The following ZNF407 variants were observed in gnomAD, a reference collection of about 807,000 sequenced individuals.
The protein encoded by ZNF407 is zinc finger protein 407.
In ZNF407, 17 loss-of-function variants were observed where a neutral mutation model predicts 131.2. The ratio of observed to expected loss-of-function variants is 0.13; its 90% confidence interval spans 0.09 to 0.19. The LOEUF (loss-of-function observed/expected upper bound fraction) is 0.19. ZNF407 is among the 10% of genes least tolerant of loss of function. The pLI, the probability that ZNF407 is intolerant of heterozygous loss-of-function variation, is 1.00. For synonymous variants in ZNF407, 1,156 were observed against 1,062.0 expected, an observed-to-expected ratio of 1.09 and a Z score of -1.72; for missense variants, 2,681 against 2,830.6, an observed-to-expected ratio of 0.95 and a Z score of 1.20.
intron 8 of ZNF407, among the ~76,000 whole-genome samples, chr18:75,032,330 T>C (rs1973250835): frequency 6.6e-6 from 1 of 152,226 alleles, no homozygotes; most frequent in African/African-American, 2.4e-5. Flanking sequence ...TCAGGGAATT[T>C]CACCTGCTGG....
intron 8 of ZNF407, among the ~76,000 whole-genome samples, chr18:74,988,752 C>A (rs1254043167): frequency 6.6e-6 from 1 of 152,060 alleles, no homozygotes; most frequent in Non-Finnish European, 1.5e-5. Context: ...CAGGACAATA[C>A]AATTAAAGCC....
At chr18:74,624,302 T>C (rs2144646509) in intron 1 of ZNF407, among the ~76,000 whole-genome samples, 1 of 152,348 alleles carries the variant, frequency 6.6e-6, no homozygotes, top group Non-Finnish European at 1.5e-5. Context: ...TTTTGAATTC[T>C]TCTTTAAAAA....
intron 3 of ZNF407, among the ~76,000 whole-genome samples, chr18:74,659,192 A>C (rs1985608465): frequency 2.6e-5 from 4 of 152,078 alleles, no homozygotes; most frequent in African/African-American, 9.7e-5. Flanking sequence ...TTATTTTTCA[A>C]AGATTGGATT....
intron 8 of ZNF407, among the ~76,000 whole-genome samples, chr18:74,970,010 C>G (rs529200693): frequency 1.5e-4 from 23 of 152,022 alleles, no homozygotes; most frequent in African/African-American, 5.1e-4. Context: ...ATAAAACTGG[C>G]GGGGGTGAAA....
At chr18:74,862,526 C>T (rs1970951785) in intron 4 of ZNF407, among the ~76,000 whole-genome samples, 1 of 152,138 alleles carries the variant, frequency 6.6e-6, no homozygotes, top group Non-Finnish European at 1.5e-5. Context: ...CTGTAGCTAT[C>T]TTTTTGTTTT....
At chr18:74,647,927 G>C (rs1437521135) in intron 3 of ZNF407, among the ~76,000 whole-genome samples, 2 of 152,074 alleles carry the variant, frequency 1.3e-5, no homozygotes, top group Non-Finnish European at 2.9e-5. Flanking sequence ...AAGGATGAGG[G>C]GCCATTCACA....
At chr18:74,992,374 T>C (rs541042038) in intron 8 of ZNF407, among the ~76,000 whole-genome samples, 5 of 152,074 alleles carry the variant, frequency 3.3e-5, no homozygotes, top group Non-Finnish European at 4.4e-5. Context: ...AAGGTCTGGG[T>C]AGGCCTTGTT....
intron 4 of ZNF407, among the ~76,000 whole-genome samples, chr18:74,798,145 G>T (rs910357168): frequency 4.0e-5 from 6 of 151,654 alleles, no homozygotes; most frequent in African/African-American, 1.5e-4. Context: ...TCTGGCCAGA[G>T]ACATTGCATG....
In ZNF407 at chr18:74,831,254, A is replaced by G. The variant is rs1568233776; in HGVS notation, c.4878-45943A>G. Among the ~76,000 whole-genome samples the G allele has an allele frequency of 5.3e-5, 8 of 152,304 alleles. No individual in the cohort carries two copies. In the South Asian group the frequency reaches 1.5e-3, roughly 28 times the overall value. On this transcript the variant is annotated intron_variant, in intron 4 of 8. Transcript: ENST00000299687. ...TAAACATAGGAGTACAGGCATTTCTATGATACACTGGTTCCCTTTTGTTTG... is the reference window on the plus strand; with the variant it reads ...TAAACATAGGAGTACAGGCATTTCTGTGATACACTGGTTCCCTTTTGTTTG...
intron 8 of ZNF407, among the ~76,000 whole-genome samples, chr18:74,935,471 T>C (rs1972029489): frequency 6.6e-6 from 1 of 152,180 alleles, no homozygotes; most frequent in Non-Finnish European, 1.5e-5. Flanking sequence ...AAAGCAAGCT[T>C]CTTGCTGAAA....
chr18:74,642,964 G>A (rs902317554), intron 3 of ZNF407, among the ~76,000 whole-genome samples: 3 of 152,056 alleles, frequency 2.0e-5, no homozygotes, highest in African/African-American at 4.8e-5. Context: ...TAACAGTGAC[G>A]CTGAGAGTTC....
intron 8 of ZNF407, among the ~76,000 whole-genome samples, chr18:74,929,879 G>T (rs893576997): frequency 1.3e-5 from 2 of 152,164 alleles, no homozygotes; most frequent in Admixed American, 6.5e-5. Flanking sequence ...TATTTCGCAA[G>T]TTTTTATCTT....
At chr18:74,985,880 A>G (rs1309041540) in intron 8 of ZNF407, among the ~76,000 whole-genome samples, 3 of 152,230 alleles carry the variant, frequency 2.0e-5, no homozygotes, top group East Asian at 1.9e-4. Context: ...TGTGACTGCC[A>G]ACATCAGAGT....
intron 5 of ZNF407, 99 bp from the exon 6 acceptor site, chr18:74,880,937 A>T (rs752266527): frequency 2.0e-6 from 2 of 995,880 alleles, no homozygotes; most frequent in African/African-American, 3.2e-5. Flanking sequence ...TTACATGGAA[A>T]CATTTGATTG....
intron 8 of ZNF407, among the ~76,000 whole-genome samples, chr18:75,057,907 A>G (rs933487338): frequency 1.2e-4 from 18 of 152,104 alleles, no homozygotes; most frequent in African/African-American, 4.1e-4. Context: ...CCCTTGTTTT[A>G]TTTTTTTCAT....
At chr18:74,816,637 G>C (rs1970270913) in intron 4 of ZNF407, among the ~76,000 whole-genome samples, 1 of 152,128 alleles carries the variant, frequency 6.6e-6, no homozygotes, top group South Asian at 2.1e-4. Flanking sequence ...TAATAGAATA[G>C]TGATACAATT....
chr18:74,956,138 C>A (rs1344103268), intron 8 of ZNF407, among the ~76,000 whole-genome samples: 1 of 152,078 alleles, frequency 6.6e-6, no homozygotes, highest in Admixed American at 6.5e-5. Flanking sequence ...AAAATGAATC[C>A]CCAGCCTCCA....
chr18:74,714,835 A>C (rs1042404792), intron 3 of ZNF407, among the ~76,000 whole-genome samples: 1 of 152,182 alleles, frequency 6.6e-6, no homozygotes, highest in Non-Finnish European at 1.5e-5. Flanking sequence ...GGGGTAGAAC[A>C]GTCTGACATA....
intron 3 of ZNF407, among the ~76,000 whole-genome samples, chr18:74,704,719 G>T (rs562269044): frequency 6.6e-6 from 1 of 152,208 alleles, no homozygotes; most frequent in Non-Finnish European, 1.5e-5. Flanking sequence ...CTTTGCATTA[G>T]TAGCTTTAGC....
Sources: gnomAD v4.1 joint callset for allele counts (sites outside exome capture counted in the v4.1 genomes callset) on GRCh38, gnomAD v4.1.1 for gene constraint, MANE v1.5 for transcripts, NCBI Gene and HGNC (gene_info 2026-07-23, HGNC 2026-07-21) for gene names.